Variants in RCAN3 observed in about 807,000 individuals in gnomAD.
RCAN3 encodes the protein calcipressin-3.
RCAN3 carries 19 observed loss-of-function variants against 21.9 expected under a neutral mutation model. The observed-to-expected ratio is 0.87, with a 90% CI of 0.61 to 1.27. RCAN3 has a LOEUF of 1.27. Ranked by LOEUF, RCAN3 falls within the 50% of genes most tolerant of loss-of-function variation. The pLI, the probability that RCAN3 is intolerant of heterozygous loss-of-function variation, is 0.00. For missense variants in RCAN3, 240 were observed against 300.1 expected (o/e 0.80, Z 1.48); for synonymous variants, 114 against 112.3 (o/e 1.01, Z -0.09).
intron 2 of RCAN3, among the ~76,000 whole-genome samples, chr1:24,521,908 G>T (rs956818807): frequency 6.6e-6 from 1 of 151,826 alleles, no homozygotes; most frequent in Non-Finnish European, 1.5e-5. Context: ...GTTGCTGGGG[G>T]GGGTGGGGAA....
chr1:24,506,076 C>T (rs867534002), intron 1 of RCAN3, among the ~76,000 whole-genome samples: 1 of 152,030 alleles, frequency 6.6e-6, no homozygotes, highest in Non-Finnish European at 1.5e-5. Context: ...CTGGAGATGA[C>T]GGGAAACCTG....
intron 2 of RCAN3, among the ~76,000 whole-genome samples, chr1:24,519,792 G>A (rs1235938145): frequency 6.6e-6 from 1 of 152,214 alleles, no homozygotes; most frequent in Non-Finnish European, 1.5e-5. Flanking sequence ...GCTTAGTGAT[G>A]CAATGCTATG....
chr1:24,535,103 T>C lies in RCAN3; in HGVS notation c.552T>C (p.Tyr184=), dbSNP rs756630635. 5 of 1,595,104 alleles carry C rather than the reference T, an allele frequency of 3.1e-6. No homozygotes were observed. Among genetic ancestry groups the C allele is most frequent in the East Asian group, 2.3e-5 (1 of 43,408 alleles). ...TGTTTGCCTCTGCAGGAGAGAAATA[T>C]GAACTTCACGCGGGAACAGAGTCGA... ...AVSKLGPGEK[Y]ELHAGTESTP... The change falls in exon 5 of 5, where the codon TAT becomes TAC. Residue 184 remains tyrosine (Y), a synonymous_variant. Coordinates refer to ENST00000374395, the MANE Select transcript of RCAN3 (RefSeq NM_013441.4).
At chr1:24,527,214 C>T (rs771031020) in intron 2 of RCAN3, among the ~76,000 whole-genome samples, 1 of 151,976 alleles carries the variant, frequency 6.6e-6, no homozygotes, top group Non-Finnish European at 1.5e-5. Flanking sequence ...GGGGTTTCAC[C>T]GCATTGGCCA....
At chr1:24,508,527 G>A (rs573802880) in intron 1 of RCAN3, among the ~76,000 whole-genome samples, 34 of 152,288 alleles carry the variant, frequency 2.2e-4, no homozygotes, top group African/African-American at 8.2e-4. Context: ...TGGAGAAAGA[G>A]GCAGTAAAAA....
chr1:24,522,492 C>T (rs1388850753), intron 2 of RCAN3, among the ~76,000 whole-genome samples: 1 of 152,224 alleles, frequency 6.6e-6, no homozygotes, highest in Non-Finnish European at 1.5e-5. Flanking sequence ...GCCAACAGTT[C>T]TCAGGCAGGT....
At chr1:24,517,488 C>A (rs930098397) in intron 2 of RCAN3, among the ~76,000 whole-genome samples, 25 of 152,032 alleles carry the variant, frequency 1.6e-4, no homozygotes, top group African/African-American at 6.0e-4. Flanking sequence ...AAGGGTGGGT[C>A]CTTGTTGGGT....
At chr1:24,518,939 A>G (rs1382018919) in intron 2 of RCAN3, among the ~76,000 whole-genome samples, 2 of 151,802 alleles carry the variant, frequency 1.3e-5, no homozygotes, top group African/African-American at 4.8e-5. Context: ...ATGCTCGGCT[A>G]ATTTTTTTGT....
rs1156642476 is a variant in RCAN3, at chr1:24,540,030, G to A, written c.*4753G>A. 2.6e-5 allele frequency: 4 copies of A among 152,264 alleles called. No homozygotes were observed. Among genetic ancestry groups the A allele is most frequent in the Non-Finnish European group, 4.4e-5 (3 of 68,020 alleles). 9.4% of individuals were successfully genotyped at this position (152,264 alleles called of 1,614,324 possible). On this transcript the variant is annotated 3_prime_UTR_variant, in exon 5 of 5. Coordinates refer to ENST00000374395, the MANE Select transcript of RCAN3 (RefSeq NM_013441.4). ...ATTTATGAACCTTGTCCTACAATTC[G>A]CTGAATACTTATTTGTCTTTTAAAC...
intron 1 of RCAN3, among the ~76,000 whole-genome samples, chr1:24,512,611 A>G (rs113104873): frequency 2.6e-5 from 4 of 152,326 alleles, no homozygotes; most frequent in African/African-American, 7.2e-5. Context: ...TTATTCCATA[A>G]TTACCATTCT....
intron 2 of RCAN3, among the ~76,000 whole-genome samples, chr1:24,524,641 ATAT>A (rs1466310664): frequency 1.3e-5 from 2 of 152,102 alleles, no homozygotes; most frequent in East Asian, 3.8e-4. Context: ...CTTGCCTTTG[ATAT>A]TAGTGGACCT....
chr1:24,526,016 G>A (rs978173022), intron 2 of RCAN3, among the ~76,000 whole-genome samples: 3 of 152,194 alleles, frequency 2.0e-5, no homozygotes, highest in Non-Finnish European at 2.9e-5. Flanking sequence ...GGGAAAATGG[G>A]TGTGGAGGAG....
At chr1:24,507,558 A>G (rs985329490) in intron 1 of RCAN3, 1 of 152,236 alleles carries the variant, frequency 6.6e-6, no homozygotes, top group Admixed American at 6.5e-5. Context: ...AAATAATCAC[A>G]ATGTAAGTGT....
intron 2 of RCAN3, among the ~76,000 whole-genome samples, chr1:24,529,805 C>T (rs964926476): frequency 4.0e-5 from 6 of 151,354 alleles, no homozygotes; most frequent in Admixed American, 1.3e-4. Context: ...CCTACCTCAG[C>T]CTCCCAAAGT....
rs1647204299 is a variant in RCAN3, at chr1:24,502,968, C to T, written c.-242C>T. The T allele has an allele frequency of 6.7e-6, 1 of 149,706 alleles. No individual in the cohort carries two copies. Among genetic ancestry groups the T allele is most frequent in the Non-Finnish European group, 1.5e-5 (1 of 67,084 alleles). The allele number at this position is 149,706 out of a possible 1,614,324, so 9.3% of individuals were successfully genotyped here. ...GCGGCGAGGCTGCTGCTGCAGGCGG[C>T]TCCCGGCTCTGCCTTCGGCCCCGCC... On this transcript the variant is annotated 5_prime_UTR_variant, in exon 1 of 5. Coordinates refer to ENST00000374395, the MANE Select transcript of RCAN3 (RefSeq NM_013441.4).
intron 2 of RCAN3, among the ~76,000 whole-genome samples, chr1:24,522,692 G>C (rs1282809913): frequency 6.6e-6 from 1 of 152,268 alleles, no homozygotes. Context: ...CCTTGCCTCT[G>C]CTTCTCCAAG....
chr1:24,540,376 T>G lies in RCAN3; in HGVS notation c.*5099T>G, dbSNP rs1286445818. On this transcript the variant is annotated 3_prime_UTR_variant, in exon 5 of 5. Transcript: ENST00000374395. ...CTATATATTTCCTTTTGAAACAGAA[T>G]CATATCCTGCAGACTCTTGGCACTC... is the stretch of plus-strand genomic sequence containing the variant. 1 of 152,280 alleles carries G rather than the reference T, an allele frequency of 6.6e-6. No homozygotes were observed. Among genetic ancestry groups the G allele is most frequent in the Non-Finnish European group, 1.5e-5 (1 of 68,044 alleles). The allele number at this position is 152,280 out of a possible 1,614,324, so 9.4% of individuals were successfully genotyped here.
chr1:24,527,785 A>G (rs1056975273), intron 2 of RCAN3, among the ~76,000 whole-genome samples: 1 of 152,206 alleles, frequency 6.6e-6, no homozygotes, highest in African/African-American at 2.4e-5. Flanking sequence ...ATTTTATTGC[A>G]TTTCATTTAT....
At chr1:24,508,165 G>A (rs1478960123) in intron 1 of RCAN3, among the ~76,000 whole-genome samples, 1 of 152,250 alleles carries the variant, frequency 6.6e-6, no homozygotes, top group Non-Finnish European at 1.5e-5. Context: ...ACTCAGGATT[G>A]AGAGTGAGTC....
Sources: gnomAD v4.1 joint callset for allele counts (sites outside exome capture counted in the v4.1 genomes callset) on GRCh38, gnomAD v4.1.1 for gene constraint, MANE v1.5 for transcripts, NCBI Gene and HGNC (gene_info 2026-07-23, HGNC 2026-07-21) for gene names.